TDRD6: variants seen among roughly 807,000 people sequenced by gnomAD.
TDRD6 encodes the protein tudor domain containing 6.
A neutral mutation model predicts 157.5 loss-of-function variants in TDRD6; 186 were observed. The ratio of observed to expected loss-of-function variants is 1.18; its 90% confidence interval spans 1.05 to 1.33. The LOEUF is 1.33. Among genes scored for constraint, TDRD6 ranks in the 40% most tolerant of loss-of-function variants. The probability of loss-of-function intolerance (pLI) is 0.00; values close to 1 mark genes in which losing one functional copy is unlikely to be tolerated. For missense variants in TDRD6, 3,066 were observed against 2,508.0 expected (o/e 1.22, Z -4.75); for synonymous variants, 1,075 against 945.2 (o/e 1.14, Z -2.52).
At position 46,690,066 on chromosome 6, in the gene TDRD6, TGAC is replaced by T; in HGVS notation, c.1941_1943del (p.Asp647del). 1 of 1,614,112 alleles carries T rather than the reference TGAC, an allele frequency of 6.2e-7. No individual in the cohort carries two copies. The highest frequency in any genetic ancestry group is 8.5e-7 in the Non-Finnish European group (1 of 1,180,016). On this transcript the variant is annotated inframe_deletion, in exon 1 of 4. Coordinates refer to ENST00000316081, the MANE Select transcript of TDRD6 (RefSeq NM_001010870.3). ...ATCATCAATATGTTATTGAGATTCT[TGAC>T]GAATCAAGAACAGGGGAAGAAAACA... is the stretch of plus-strand genomic sequence containing the variant.
Position 46,688,316 on chromosome 6 carries a change from G to C in TDRD6, c.188G>C (p.Gly63Ala), listed in dbSNP as rs1185519132. Reference sequence around the variant, plus strand: ...GCCACGCGCGGCCAGTGGGCGCTGGGCAGCGCCTCGGCCTCGCCCGGCGAG... The same window carrying C: ...GCCACGCGCGGCCAGTGGGCGCTGGCCAGCGCCTCGGCCTCGCCCGGCGAG... ...AAATRGQWAL[G>A]SASASPGELC... Residue 63 changes from glycine (G) to alanine (A), a missense_variant, in exon 1 of 4, where the codon GGC becomes GCC. Gly to Ala is a moderately conservative substitution (Grantham distance 60). Coordinates refer to ENST00000316081, the MANE Select transcript of TDRD6 (RefSeq NM_001010870.3). 6.6e-7 allele frequency: 1 copy of C among 1,519,298 alleles called. No homozygotes were observed. The allele number at this position is 1,519,298 out of a possible 1,614,324, so 94.1% of individuals were successfully genotyped here.
rs768881291 is a variant in TDRD6, at chr6:46,688,974, C to T, written c.846C>T (p.Ser282=). The T allele has an allele frequency of 1.3e-5, 21 of 1,613,478 alleles. No individual in the cohort carries two copies. Among genetic ancestry groups the T allele is most frequent in the Non-Finnish European group, 1.6e-5 (19 of 1,179,718 alleles). Residue 282 remains serine, a synonymous_variant, in exon 1 of 4, where the codon AGC becomes AGT. Coordinates refer to ENST00000316081, the MANE Select transcript of TDRD6 (RefSeq NM_001010870.3). ...VSQEIHRLSE[S]MAQVYRGSTG... ...AGGAGATCCACCGCCTCTCCGAGAGCATGGCCCAGGTATACCGGGGTTCCA... is the reference window on the plus strand; with the variant it reads ...AGGAGATCCACCGCCTCTCCGAGAGTATGGCCCAGGTATACCGGGGTTCCA...
Position 46,688,706 on chromosome 6 carries a change from A to G in TDRD6, c.578A>G (p.Glu193Gly). The change falls in exon 1 of 4, where the codon GAG becomes GGG. Residue 193 changes from glutamate (E) to glycine (G), a missense_variant. By Grantham distance (98) the Glu-to-Gly change is moderately conservative. Coordinates refer to ENST00000316081, the MANE Select transcript of TDRD6 (RefSeq NM_001010870.3). ...CCTGATGTGTTCCAACAGATGCGGGAGCTGGGCCTGGCTCGGCGGGTGCCC... is the reference window on the plus strand; with the variant it reads ...CCTGATGTGTTCCAACAGATGCGGGGGCTGGGCCTGGCTCGGCGGGTGCCC... ...EVPDVFQQMR[E>G]LGLARRVPDS... The G allele has an allele frequency of 6.2e-7, 1 of 1,600,920 alleles. No individual in the cohort carries two copies. The highest frequency in any genetic ancestry group is 8.5e-7 in the Non-Finnish European group (1 of 1,179,576).
In TDRD6 at chr6:46,702,080, G is replaced by A. The variant is rs903520604; in HGVS notation, c.*193G>A. The A allele has an allele frequency of 2.3e-5, 12 of 515,162 alleles. No individual in the cohort carries two copies. Among genetic ancestry groups the A allele is most frequent in the Non-Finnish European group, 4.2e-5 (12 of 288,472 alleles). 31.9% of individuals were successfully genotyped at this position (515,162 alleles called of 1,614,324 possible). ...GGTGGGGTGTGTTTATAGTGATCCT[G>A]TTATATATACAGATCTGGGATCTTT... On this transcript the variant is annotated 3_prime_UTR_variant, in exon 4 of 4. Coordinates refer to ENST00000316081, the MANE Select transcript of TDRD6 (RefSeq NM_001010870.3).
chr6:46,689,668 A>T lies in TDRD6; in HGVS notation c.1540A>T (p.Ser514Cys). The change falls in exon 1 of 4, where the codon AGT becomes TGT. Residue 514 changes from serine to cysteine, a missense_variant. By Grantham distance (112) the Ser-to-Cys change is moderately radical. Transcript: ENST00000316081. ...IRLRKHNVTF[S>C]KLMRRMCGFY... ...GTTGAGGAAACACAATGTCACCTTC[A>T]GTAAGCTGATGAGGAGAATGTGTGG... The T allele has an allele frequency of 1.9e-6, 3 of 1,614,242 alleles. No individual in the cohort carries two copies. Among genetic ancestry groups the T allele is most frequent in the Non-Finnish European group, 2.5e-6 (3 of 1,180,044 alleles).
intron 2 of TDRD6, among the ~76,000 whole-genome samples, chr6:46,697,441 C>T (rs1764526939): frequency 6.6e-6 from 1 of 152,138 alleles, no homozygotes; most frequent in Non-Finnish European, 1.5e-5. Flanking sequence ...GGTCTTTTCT[C>T]CACTAGATTT....
At chr6:46,687,632 G>GT (rs1467149807), upstream of TDRD6, 1 of 153,094 alleles carries the variant, frequency 6.5e-6, no homozygotes, top group Non-Finnish European at 1.5e-5. Flanking sequence ...ATCCCTGGTA[G>GT]TTGGGAGGAC....
Position 46,693,122 on chromosome 6 carries a change from T to C in TDRD6, c.4994T>C (p.Ile1665Thr), listed in dbSNP as rs758560957. Residue 1665 changes from isoleucine (I) to threonine (T), a missense_variant, in exon 1 of 4, where the codon ATA becomes ACA. Coordinates refer to ENST00000316081, the MANE Select transcript of TDRD6 (RefSeq NM_001010870.3). ...ATAATAACAGAAGATGTGTTGGAAA[T>C]AACAATACTAGAAATCAGAAGGGAT... Reference protein sequence around the residue: ...YEIITEDVLEITILEIRRDVC... With the variant: ...YEIITEDVLETTILEIRRDVC... 7 of 1,612,988 alleles carry C rather than the reference T, an allele frequency of 4.3e-6. No individual in the cohort carries two copies. In the Admixed American group the frequency reaches 8.4e-5, roughly 19 times the overall value.
chr6:46,693,139 A>G lies in TDRD6; in HGVS notation c.5011A>G (p.Arg1671Gly), dbSNP rs374969193. The G allele has an allele frequency of 4.3e-6, 7 of 1,611,480 alleles. No individual in the cohort carries two copies. The highest frequency in any genetic ancestry group is 1.7e-4 in the Middle Eastern group (1 of 6,060). The change falls in exon 1 of 4, where the codon AGA (arginine) becomes GGA (glycine). Residue 1671 changes from arginine (R) to glycine (G), a missense_variant. By Grantham distance (125) the Arg-to-Gly change is moderately radical (BLOSUM62 -2). Coordinates refer to ENST00000316081, the MANE Select transcript of TDRD6 (RefSeq NM_001010870.3). Reference protein sequence around the residue: ...DVLEITILEIRRDVCDIPLAI... With the variant: ...DVLEITILEIGRDVCDIPLAI... ...GTTGGAAATAACAATACTAGAAATC[A>G]GAAGGGATGTTTGTGATATCCCTTT...
chr6:46,691,167 A>G lies in TDRD6; in HGVS notation c.3039A>G (p.Glu1013=), dbSNP rs1214616110. The part of the protein sequence containing the change: ...CQLARNANIL[E]QLSCSITQLS... ...TGGCAAGAAATGCAAATATTTTAGA[A>G]CAGTTGTCATGTAGTATTACACAAT... Residue 1013 remains glutamate (E), a synonymous_variant, in exon 1 of 4, where the codon GAA becomes GAG. Transcript: ENST00000316081. The G allele has an allele frequency of 1.2e-6, 2 of 1,613,786 alleles. No individual in the cohort carries two copies. The highest frequency in any genetic ancestry group is 2.2e-5 in the East Asian group (1 of 44,868).
chr6:46,694,771 A>G (rs1764450206), intron 1 of TDRD6, among the ~76,000 whole-genome samples: 1 of 152,202 alleles, frequency 6.6e-6, no homozygotes, highest in African/African-American at 2.4e-5. Context: ...CACATTTATA[A>G]TCAAGAGGGC....
Position 46,692,320 on chromosome 6 carries a change from A to C in TDRD6, c.4192A>C (p.Thr1398Pro), listed in dbSNP as rs773438637. The C allele has an allele frequency of 5.6e-6, 9 of 1,614,168 alleles. No individual in the cohort carries two copies. The highest frequency in any genetic ancestry group is 6.8e-6 in the Non-Finnish European group (8 of 1,180,018). ...TTATGGCAATGTTTCTGTGGTTCAT[A>C]CTAACAAAATAGGTAGGCTTGACCT... is the stretch of plus-strand genomic sequence containing the variant. Reference protein sequence around the residue: ...IDYGNVSVVHTNKIGRLDLVN... With the variant: ...IDYGNVSVVHPNKIGRLDLVN... Residue 1398 changes from threonine to proline, a missense_variant, in exon 1 of 4, where the codon ACT becomes CCT. By Grantham distance (38) the Thr-to-Pro change is conservative. Transcript: ENST00000316081.
the TDRD6 span, among the ~76,000 whole-genome samples, chr6:46,680,618 T>G: frequency 6.6e-6 from 1 of 152,190 alleles, no homozygotes; most frequent in Non-Finnish European, 1.5e-5. Flanking sequence ...ATTCTCACCT[T>G]CAATTTCTCC....
Position 46,688,703 on chromosome 6 carries a change from G to A in TDRD6, c.575G>A (p.Arg192Gln), listed in dbSNP as rs7750596. The A allele has an allele frequency of 1.9e-6, 3 of 1,600,958 alleles. No homozygotes were observed. Among genetic ancestry groups the A allele is most frequent in the Non-Finnish European group, 2.5e-6 (3 of 1,179,688 alleles). Residue 192 changes from arginine (R) to glutamine (Q), a missense_variant, in exon 1 of 4, where the codon CGG becomes CAG. Physicochemically the swap from Arg to Gln is conservative, Grantham distance 43. Transcript: ENST00000316081. ...GTGCCTGATGTGTTCCAACAGATGC[G>A]GGAGCTGGGCCTGGCTCGGCGGGTG... Reference protein sequence around the residue: ...LEVPDVFQQMRELGLARRVPD... With the variant: ...LEVPDVFQQMQELGLARRVPD...
At position 46,693,114 on chromosome 6, in the gene TDRD6, G is replaced by A; in HGVS notation, c.4986G>A (p.Val1662=). Reference sequence around the variant, plus strand: ...TCTATGAAATAATAACAGAAGATGTGTTGGAAATAACAATACTAGAAATCA... The same window carrying A: ...TCTATGAAATAATAACAGAAGATGTATTGGAAATAACAATACTAGAAATCA... ...DYFYEIITED[V]LEITILEIRR... Residue 1662 remains valine, a synonymous_variant, in exon 1 of 4, where the codon GTG becomes GTA. Transcript: ENST00000316081. 1.2e-6 allele frequency: 2 copies of A among 1,613,376 alleles called. No individual in the cohort carries two copies. The highest frequency in any genetic ancestry group is 2.2e-5 in the South Asian group (2 of 90,900).
Position 46,687,951 on chromosome 6 carries a change from C to G in TDRD6, c.-178C>G. 5.9e-6 allele frequency: 6 copies of G among 1,022,258 alleles called. No homozygotes were observed. Among genetic ancestry groups the G allele is most frequent in the Non-Finnish European group, 6.6e-6 (5 of 752,650 alleles). 63.3% of individuals were successfully genotyped at this position (1,022,258 alleles called of 1,614,324 possible). On this transcript the variant is annotated 5_prime_UTR_variant, in exon 1 of 4. Transcript: ENST00000316081. ...GGTCTTACCAGTCCGTGGCGGGAGT[C>G]CCGGAGGACCCTCGACGGGGGAGTT...
Position 46,690,142 on chromosome 6 carries a change from GAAAC to G in TDRD6, c.2018_2021del (p.Thr673ArgfsTer6). 1 of 1,613,272 alleles carries G rather than the reference GAAAC, an allele frequency of 6.2e-7. No individual in the cohort carries two copies. Among genetic ancestry groups the G allele is most frequent in the Non-Finnish European group, 8.5e-7 (1 of 1,179,728 alleles). ...TGGATATGCCAAGTATCAGGAATTT[GAAAC>G]AAAGGAAAATATCCTGGTAAATGCC... On this transcript the variant is annotated frameshift_variant, in exon 1 of 4. Coordinates refer to ENST00000316081, the MANE Select transcript of TDRD6 (RefSeq NM_001010870.3). LOFTEE classifies it high-confidence loss of function.
At position 46,688,682 on chromosome 6, in the gene TDRD6, C is replaced by T. The variant is rs1411128174; in HGVS notation, c.554C>T (p.Pro185Leu). 6.9e-6 allele frequency: 11 copies of T among 1,600,194 alleles called. No homozygotes were observed. Among genetic ancestry groups the T allele is most frequent in the Non-Finnish European group, 9.3e-6 (11 of 1,179,854 alleles). Residue 185 changes from proline (P) to leucine (L), a missense_variant, in exon 1 of 4, where the codon CCT becomes CTT. Pro to Leu is a moderately conservative substitution (Grantham distance 98, BLOSUM62 -3). Coordinates refer to ENST00000316081, the MANE Select transcript of TDRD6 (RefSeq NM_001010870.3). ...LLHRLVLLEV[P>L]DVFQQMRELG... ...CATCGCCTGGTCCTCCTGGAGGTGC[C>T]TGATGTGTTCCAACAGATGCGGGAG...
rs775217594 is a variant in TDRD6, at chr6:46,689,350, A to G, written c.1222A>G (p.Lys408Glu). ...TLILGKAVNA[K>E]IEFYCSFEHV... ...GATACTAGGCAAGGCAGTGAATGCAAAGATTGAATTTTATTGCTCCTTTGA... is the reference window on the plus strand; with the variant it reads ...GATACTAGGCAAGGCAGTGAATGCAGAGATTGAATTTTATTGCTCCTTTGA... Residue 408 changes from lysine to glutamate, a missense_variant, in exon 1 of 4, where the codon AAG (lysine) becomes GAG (glutamate). Lys to Glu is a moderately conservative substitution (Grantham distance 56, BLOSUM62 1). Coordinates refer to ENST00000316081, the MANE Select transcript of TDRD6 (RefSeq NM_001010870.3). 11 of 1,614,098 alleles carry G rather than the reference A, an allele frequency of 6.8e-6. No homozygotes were observed. Among genetic ancestry groups the G allele is most frequent in the East Asian group, 2.2e-5 (1 of 44,870 alleles).
Sources: gnomAD v4.1 joint callset for allele counts (sites outside exome capture counted in the v4.1 genomes callset) on GRCh38, gnomAD v4.1.1 for gene constraint, MANE v1.5 for transcripts, NCBI Gene and HGNC (gene_info 2026-07-23, HGNC 2026-07-21) for gene names.